NCK2: variants seen among roughly 807,000 people sequenced by gnomAD.
NCK2 encodes the protein NCK adaptor protein 2, also known as cytoplasmic protein NCK2.
NCK2 carries 16 observed loss-of-function variants against 33.9 expected under a neutral mutation model. That is an observed-to-expected ratio of 0.47 (90% CI 0.32 to 0.72). The LOEUF (loss-of-function observed/expected upper bound fraction) is 0.72. NCK2 is among the 30% of genes least tolerant of loss of function. The pLI is 0.03. For missense variants in NCK2, 418 were observed against 537.3 expected (o/e 0.78, Z 2.19); for synonymous variants, 273 against 239.9 (o/e 1.14, Z -1.27).
intron 1 of NCK2, among the ~76,000 whole-genome samples, chr2:105,813,869 G>C (rs757879107): frequency 2.6e-5 from 4 of 152,216 alleles, no homozygotes; most frequent in Non-Finnish European, 5.9e-5. Flanking sequence ...CGGTATCAGT[G>C]TTAATTGCCT....
intron 1 of NCK2, among the ~76,000 whole-genome samples, chr2:105,808,908 G>A (rs1370989201): frequency 6.6e-6 from 1 of 152,178 alleles, no homozygotes; most frequent in African/African-American, 2.4e-5. Flanking sequence ...TTTTGCTTGT[G>A]ATTTGCTTTA....
chr2:105,786,376 A>G (rs887150540), intron 1 of NCK2, among the ~76,000 whole-genome samples: 2 of 152,162 alleles, frequency 1.3e-5, no homozygotes, highest in Non-Finnish European at 2.9e-5. Flanking sequence ...TGGGGACAGG[A>G]TGGGAGTTCG....
At chr2:105,816,801 G>C (rs980214937) in intron 2 of NCK2, among the ~76,000 whole-genome samples, 188 bp downstream of exon 2, 1 of 152,172 alleles carries the variant, frequency 6.6e-6, no homozygotes, top group African/African-American at 2.4e-5. Flanking sequence ...TGATGGTTCT[G>C]AGTATGTAGC....
chr2:105,769,610 T>C (rs10168944), intron 1 of NCK2, among the ~76,000 whole-genome samples: 71,899 of 152,062 alleles, frequency 0.47, 18,056 homozygotes, highest in African/African-American at 0.64. Flanking sequence ...GTGGGTGACC[T>C]ACTGCACTGC....
intron 3 of NCK2, among the ~76,000 whole-genome samples, chr2:105,878,521 G>A (rs1408865403): frequency 6.6e-6 from 1 of 152,234 alleles, no homozygotes; most frequent in African/African-American, 2.4e-5. Context: ...GCATCTGCAG[G>A]TCCAGGAGAG....
Position 105,881,660 on chromosome 2 carries a change from T to A in NCK2, c.559T>A (p.Ser187Thr), listed in dbSNP as rs779117347. The A allele has an allele frequency of 1.5e-4, 240 of 1,613,088 alleles. No homozygotes were observed. The highest frequency in any genetic ancestry group is 2.0e-4 in the Non-Finnish European group (237 of 1,179,428). ...PSFLSLRKGASLSNGQGSRVL... is the reference protein window; with the variant it reads ...PSFLSLRKGATLSNGQGSRVL... Reference sequence around the variant, plus strand: ...CTTCCTGAGCCTGCGCAAGGGCGCCTCGCTGAGCAATGGCCAGGGCTCCCG... The same window carrying A: ...CTTCCTGAGCCTGCGCAAGGGCGCCACGCTGAGCAATGGCCAGGGCTCCCG... Residue 187 changes from serine (S) to threonine (T), a missense_variant, in exon 4 of 5, where the codon TCG (serine) becomes ACG (threonine). Ser to Thr is a moderately conservative substitution (Grantham distance 58). Coordinates refer to ENST00000233154, the MANE Select transcript of NCK2 (RefSeq NM_003581.5).
intron 1 of NCK2, among the ~76,000 whole-genome samples, chr2:105,798,764 C>G (rs1196785310): frequency 6.6e-6 from 1 of 152,162 alleles, no homozygotes; most frequent in Non-Finnish European, 1.5e-5. Flanking sequence ...AAAGCAGTAG[C>G]TGTGGTTCTT....
chr2:105,746,879 G>C (rs984561655), intron 1 of NCK2, among the ~76,000 whole-genome samples: 1 of 152,198 alleles, frequency 6.6e-6, no homozygotes, highest in East Asian at 1.9e-4. Context: ...TTAGGCATAG[G>C]AAGCTGTGGA....
At chr2:105,838,169 A>G (rs960929560) in intron 2 of NCK2, among the ~76,000 whole-genome samples, 2 of 152,204 alleles carry the variant, frequency 1.3e-5, no homozygotes, top group African/African-American at 4.8e-5. Context: ...AGTCACAAGA[A>G]AATCTTGTGT....
upstream of NCK2, among the ~76,000 whole-genome samples, chr2:105,744,455 C>G (rs1215362414): frequency 1.3e-5 from 2 of 152,146 alleles, no homozygotes; most frequent in African/African-American, 2.4e-5. Context: ...ACTAGAGCTT[C>G]GTGATAAGAA....
At chr2:105,829,851 G>A (rs753916614) in intron 2 of NCK2, among the ~76,000 whole-genome samples, 10 of 152,116 alleles carry the variant, frequency 6.6e-5, no homozygotes, top group Non-Finnish European at 1.3e-4. Context: ...GAGTGTCTAC[G>A]TAAGTTATTT....
intron 3 of NCK2, among the ~76,000 whole-genome samples, chr2:105,880,295 A>G (rs1678417835): frequency 6.6e-6 from 1 of 152,178 alleles, no homozygotes; most frequent in South Asian, 2.1e-4. Flanking sequence ...ATTTTTTATG[A>G]TCCACTAGTG....
rs1238054757 is a variant in NCK2, at chr2:105,830,711, GTGTGTT to G, written c.-17+14101_-17+14106del. Among the ~76,000 whole-genome samples the G allele has an allele frequency of 4.1e-3, 566 of 139,060 alleles. 8 individuals are homozygous for G. The highest frequency in any genetic ancestry group is 0.023 in the Middle Eastern group (6 of 266). 91.2% of individuals were successfully genotyped at this position (139,060 alleles called of 152,430 possible). Reference sequence around the variant, plus strand: ...TGTGTGTGTGTGTGTGTGTGTGTGTGTGTGTTTGGTCTGATAATACCATTCTCATTG... The same window carrying G: ...TGTGTGTGTGTGTGTGTGTGTGTGTGTGGTCTGATAATACCATTCTCATTG... On this transcript the variant is annotated intron_variant, in intron 2 of 4. Transcript: ENST00000233154.
chr2:105,882,647 T>C (rs1012878081), intron 4 of NCK2, among the ~76,000 whole-genome samples: 5 of 151,746 alleles, frequency 3.3e-5, no homozygotes, highest in Non-Finnish European at 7.4e-5. Context: ...GAGTCGGAGA[T>C]ATGAGGCCAC....
intron 2 of NCK2, among the ~76,000 whole-genome samples, chr2:105,828,534 T>G (rs1049966333): frequency 6.6e-6 from 1 of 152,168 alleles, no homozygotes; most frequent in African/African-American, 2.4e-5. Flanking sequence ...TTGTCTCGAC[T>G]CTGAAGTCTA....
intron 4 of NCK2, among the ~76,000 whole-genome samples, chr2:105,887,406 G>A (rs1464740603): frequency 6.6e-6 from 1 of 152,182 alleles, no homozygotes; most frequent in African/African-American, 2.4e-5. Context: ...CCTCTCTCTG[G>A]GGGTAGAAGG....
At chr2:105,803,989 CAG>C (rs1317016209) in intron 1 of NCK2, among the ~76,000 whole-genome samples, 1 of 152,198 alleles carries the variant, frequency 6.6e-6, no homozygotes, top group Non-Finnish European at 1.5e-5. Flanking sequence ...GATTGCAAGA[CAG>C]AGGAGTAAAT....
chr2:105,756,027 C>T (rs1189489171), intron 1 of NCK2, among the ~76,000 whole-genome samples: 1 of 152,190 alleles, frequency 6.6e-6, no homozygotes, highest in Admixed American at 6.5e-5. Flanking sequence ...CGCTGACTTC[C>T]AGTGTCTGCA....
In NCK2 at chr2:105,860,475, G is replaced by A. The variant is rs572051627; in HGVS notation, c.226+5186G>A. Among the ~76,000 whole-genome samples the A allele has an allele frequency of 2.0e-3, 311 of 152,276 alleles. 4 individuals carry two copies. The highest frequency in any genetic ancestry group is 7.0e-3 in the African/African-American group (289 of 41,562). ...CACAGGCTCAGGGACCTGCTAAGCC[G>A]TAGGCGTCTCAGAATGAGGAGGGGC... On this transcript the variant is annotated intron_variant, in intron 3 of 4. Transcript: ENST00000233154.
Sources: gnomAD v4.1 joint callset for allele counts (sites outside exome capture counted in the v4.1 genomes callset) on GRCh38, gnomAD v4.1.1 for gene constraint, MANE v1.5 for transcripts, NCBI Gene and HGNC (gene_info 2026-07-23, HGNC 2026-07-21) for gene names.